Variants in SUMO3 observed in about 807,000 individuals in gnomAD.
SUMO3 encodes the protein small ubiquitin-related modifier 3.
In SUMO3, 2 loss-of-function variants were observed where a neutral mutation model predicts 11.1. The observed-to-expected ratio is 0.18, with a 90% CI of 0.07 to 0.57. The LOEUF is 0.57. Ranked by LOEUF, SUMO3 falls within the 20% of genes least tolerant of loss-of-function variation. The pLI is 0.92. For synonymous variants in SUMO3, 56 were observed against 53.5 expected (o/e 1.05, Z -0.20); for missense variants, 70 against 132.8 (o/e 0.53, Z 2.32).
chr21:44,810,436 G>T lies in SUMO3; in HGVS notation c.151-1318C>A, dbSNP rs1176264632. The stretch of plus-strand genomic sequence containing the variant: ...GCTGATTCTGAACAGCTGCCTGGAA[G>T]TTCACATGCAGACCCCTCAGGCAGG... On this transcript the variant is annotated intron_variant, in intron 2 of 3. Coordinates refer to ENST00000332859, the MANE Select transcript of SUMO3 (RefSeq NM_006936.3). This position sits in a 1 kb window ranked among gnomAD's most constrained non-coding sequence, Gnocchi z 4.1. 1.3e-5 allele frequency among the ~76,000 whole-genome samples: 2 copies of T among 152,206 alleles called. No individual in the cohort carries two copies. Among genetic ancestry groups the T allele is most frequent in the Non-Finnish European group, 2.9e-5 (2 of 68,030 alleles).
chr21:44,809,188 T>C, intron 2 of SUMO3, 70 bp from the exon 3 acceptor site: 1 of 1,471,728 alleles, frequency 6.8e-7, no homozygotes. Context: ...TGGCCATTAG[T>C]CTCACTGACA....
Position 44,811,222 on chromosome 21 carries a change from C to T in SUMO3, c.151-2104G>A, listed in dbSNP as rs1476241623. Among the ~76,000 whole-genome samples the T allele has an allele frequency of 6.6e-6, 1 of 152,076 alleles. No homozygotes were observed. The highest frequency in any genetic ancestry group is 2.4e-5 in the African/African-American group (1 of 41,400). ...CGGACATACACACCACACACACCTA[C>T]ACTCACGATTCAAATTCTATGGGAA... is the stretch of plus-strand genomic sequence containing the variant. On this transcript the variant is annotated intron_variant, in intron 2 of 3. Coordinates refer to ENST00000332859, the MANE Select transcript of SUMO3 (RefSeq NM_006936.3). This position sits in a 1 kb window ranked among gnomAD's most constrained non-coding sequence, Gnocchi z 5.0.
rs1167290379 is a variant in SUMO3, at chr21:44,807,830, A to C, written c.223-790T>G. 2.0e-5 allele frequency among the ~76,000 whole-genome samples: 3 copies of C among 150,436 alleles called. No individual in the cohort carries two copies. Among genetic ancestry groups the C allele is most frequent in the East Asian group, 2.0e-4 (1 of 5,118 alleles). ...CCACCTGTCCACAGCCAGCCCCCTG[A>C]CCCCCAGTCAAGCCCCAGAGACTCC... On this transcript the variant is annotated intron_variant, in intron 3 of 3. Transcript: ENST00000332859. This position sits in a 1 kb window ranked among gnomAD's most constrained non-coding sequence, Gnocchi z 4.3.
Position 44,818,052 on chromosome 21 carries a change from G to A in SUMO3, c.-84C>T, listed in dbSNP as rs1484369288. The A allele has an allele frequency of 1.9e-6, 2 of 1,077,214 alleles. No homozygotes were observed. The highest frequency in any genetic ancestry group is 2.3e-6 in the Non-Finnish European group (2 of 865,038). The allele number at this position is 1,077,214 out of a possible 1,614,324, so 66.7% of individuals were successfully genotyped here. On this transcript the variant is annotated 5_prime_UTR_variant, in exon 1 of 4. Coordinates refer to ENST00000332859, the MANE Select transcript of SUMO3 (RefSeq NM_006936.3). ...ACGCTCTCGGCCCCGCCGCTCTCCC[G>A]CCGCAACTGTGCGCGGGGCCGCGCT...
At chr21:44,809,976 G>C (rs2083200885) in intron 2 of SUMO3, among the ~76,000 whole-genome samples, 1 of 152,182 alleles carries the variant, frequency 6.6e-6, no homozygotes, top group Non-Finnish European at 1.5e-5. Flanking sequence ...GCAAGGAACA[G>C]GTTGTGTGCC....
chr21:44,813,856 G>A, intron 2 of SUMO3, 120 bp downstream of exon 2: 1 of 1,574,476 alleles, frequency 6.4e-7, no homozygotes, highest in Non-Finnish European at 8.6e-7. Flanking sequence ...TCCACGAAGA[G>A]GGCACCTCGG....
chr21:44,813,748 A>G (rs1048628862), intron 2 of SUMO3: 1 of 1,409,054 alleles, frequency 7.1e-7, no homozygotes, highest in Non-Finnish European at 9.4e-7. Flanking sequence ...AAAACCCACC[A>G]CACTTCTCCG....
In SUMO3 at chr21:44,809,263, A is replaced by C. The variant is rs74881430; in HGVS notation, c.151-145T>G. 1,187 of 748,028 alleles carry C rather than the reference A, an allele frequency of 1.6e-3. 17 individuals carry two copies. In the African/African-American group the frequency reaches 0.018, roughly 12 times the overall value. 46.3% of individuals were successfully genotyped at this position (748,028 alleles called of 1,614,324 possible). ...AGATACGGCTTAATTCAAAAACCAAATATTTTAATCCAAGTATCAGCATTC... is the reference window on the plus strand; with the variant it reads ...AGATACGGCTTAATTCAAAAACCAACTATTTTAATCCAAGTATCAGCATTC... On this transcript the variant is annotated intron_variant, in intron 2 of 3. Transcript: ENST00000332859.
intron 1 of SUMO3, among the ~76,000 whole-genome samples, chr21:44,817,172 T>C (rs1331552650): frequency 8.8e-5 from 1 of 11,388 alleles, no homozygotes; most frequent in Non-Finnish European, 1.6e-4. Flanking sequence ...GGGGGCGTGA[T>C]GGGGAGGCGT....
intron 1 of SUMO3, among the ~76,000 whole-genome samples, chr21:44,815,935 G>T (rs183819497): frequency 7.5e-4 from 114 of 152,332 alleles, no homozygotes; most frequent in Non-Finnish European, 1.4e-3. Flanking sequence ...AGGGAAGTCA[G>T]AACCATTCTC....
In SUMO3 at chr21:44,812,787, C is replaced by T. The variant is rs1040258040; in HGVS notation, c.150+1189G>A. 2.6e-5 allele frequency among the ~76,000 whole-genome samples: 4 copies of T among 152,226 alleles called. No homozygotes were observed. The East Asian group carries it at 5.8e-4, about 22-fold the overall frequency. On this transcript the variant is annotated intron_variant, in intron 2 of 3. Coordinates refer to ENST00000332859, the MANE Select transcript of SUMO3 (RefSeq NM_006936.3). ...CCCCCCACATGTACACGGCCCCACA[C>T]GCCTGCCATCCCGCAGCGCAGAGGA...
intron 2 of SUMO3, among the ~76,000 whole-genome samples, chr21:44,812,513 G>A (rs551416482): frequency 1.1e-4 from 17 of 152,270 alleles, no homozygotes; most frequent in African/African-American, 3.9e-4. Context: ...CAAAAGTCAC[G>A]TTCAGCCATG....
chr21:44,813,815 T>G lies in SUMO3; in HGVS notation c.150+161A>C, dbSNP rs2146425188. Reference sequence around the variant, plus strand: ...CATGGGGGACAAGCCCAGCCTGGACTAATTTTACAGCACAAGCCCCCGCCT... The same window carrying G: ...CATGGGGGACAAGCCCAGCCTGGACGAATTTTACAGCACAAGCCCCCGCCT... On this transcript the variant is annotated intron_variant, in intron 2 of 3. Transcript: ENST00000332859. 2.0e-6 allele frequency: 3 copies of G among 1,523,196 alleles called. No homozygotes were observed. The East Asian group carries it at 7.4e-5, about 37-fold the overall frequency. The allele number at this position is 1,523,196 out of a possible 1,614,324, so 94.4% of individuals were successfully genotyped here. A position where few individuals can be genotyped will look rare whatever the true frequency, so the allele number is the denominator to read the frequency against.
chr21:44,812,670 C>A (rs1385515045), intron 2 of SUMO3, among the ~76,000 whole-genome samples: 2 of 152,176 alleles, frequency 1.3e-5, no homozygotes, highest in Non-Finnish European at 2.9e-5. Flanking sequence ...GAACAGGAGG[C>A]CCTGGACCAC....
chr21:44,811,939 A>ATTT lies in SUMO3; in HGVS notation c.150+2036_150+2037insAAA. On this transcript the variant is annotated intron_variant, in intron 2 of 3. Coordinates refer to ENST00000332859, the MANE Select transcript of SUMO3 (RefSeq NM_006936.3). The surrounding 1 kb of genome is among the most constrained non-coding windows in gnomAD (Gnocchi z 5.0). ...AGCAGCATGAGTGAGAAAATCACCC[A>ATTT]CCTCTGAGGCACATAAGGAAACACT... is the stretch of plus-strand genomic sequence containing the variant. Among the ~76,000 whole-genome samples, 1 of 151,332 alleles carries ATTT rather than the reference A, an allele frequency of 6.6e-6. No individual in the cohort carries two copies. Among genetic ancestry groups the ATTT allele is most frequent in the Non-Finnish European group, 1.5e-5 (1 of 67,890 alleles).
chr21:44,809,693 G>C (rs945538443), intron 2 of SUMO3, among the ~76,000 whole-genome samples: 7 of 152,232 alleles, frequency 4.6e-5, no homozygotes, highest in South Asian at 2.1e-4. Flanking sequence ...TCAGCCAGGA[G>C]GTCTCTGAGG....
Position 44,811,150 on chromosome 21 carries a change from A to T in SUMO3, c.151-2032T>A, listed in dbSNP as rs2083210253. 6.7e-6 allele frequency among the ~76,000 whole-genome samples: 1 copy of T among 149,242 alleles called. No homozygotes were observed. The highest frequency in any genetic ancestry group is 2.1e-4 in the South Asian group (1 of 4,712). On this transcript the variant is annotated intron_variant, in intron 2 of 3. Coordinates refer to ENST00000332859, the MANE Select transcript of SUMO3 (RefSeq NM_006936.3). This position sits in a 1 kb window ranked among gnomAD's most constrained non-coding sequence, Gnocchi z 5.0. ...TACACACAGGCACACACCCACACAT[A>T]CACACACAGGCACACACCCACACAT... is the stretch of plus-strand genomic sequence containing the variant.
Position 44,810,913 on chromosome 21 carries a change from T to G in SUMO3, c.151-1795A>C, listed in dbSNP as rs1322965039. Among the ~76,000 whole-genome samples the G allele has an allele frequency of 6.7e-6, 1 of 150,166 alleles. No individual in the cohort carries two copies. Among genetic ancestry groups the G allele is most frequent in the African/African-American group, 2.5e-5 (1 of 40,700 alleles). On this transcript the variant is annotated intron_variant, in intron 2 of 3. Coordinates refer to ENST00000332859, the MANE Select transcript of SUMO3 (RefSeq NM_006936.3). This position sits in a 1 kb window ranked among gnomAD's most constrained non-coding sequence, Gnocchi z 4.1. ...AACACTCCCAACACAGGCACACACA[T>G]GCCCACACCCACACATGCCCACACC...
In SUMO3 at chr21:44,811,125, TAC is replaced by T. The variant is rs1156827551; in HGVS notation, c.151-2009_151-2008del. The stretch of plus-strand genomic sequence containing the variant: ...ACACACACATGCACACACCCACATA[TAC>T]ACACAGGCACACACCCACACATACA... On this transcript the variant is annotated intron_variant, in intron 2 of 3. Coordinates refer to ENST00000332859, the MANE Select transcript of SUMO3 (RefSeq NM_006936.3). This position sits in a 1 kb window ranked among gnomAD's most constrained non-coding sequence, Gnocchi z 5.0. Among the ~76,000 whole-genome samples the T allele has an allele frequency of 2.5e-5, 3 of 121,138 alleles. No homozygotes were observed. The highest frequency in any genetic ancestry group is 3.6e-5 in the Non-Finnish European group (2 of 56,180). 79.5% of individuals were successfully genotyped at this position (121,138 alleles called of 152,430 possible).
Sources: gnomAD v4.1 joint callset for allele counts (sites outside exome capture counted in the v4.1 genomes callset) on GRCh38, gnomAD v4.1.1 for gene constraint, Gnocchi (gnomAD v3.1) non-coding constraint, MANE v1.5 for transcripts, NCBI Gene and HGNC (gene_info 2026-07-23, HGNC 2026-07-21) for gene names.